The following NOC2L variants were observed in gnomAD, a reference collection of about 807,000 sequenced individuals.
The protein encoded by NOC2L is nucleolar complex protein 2 homolog.
In NOC2L, 101 loss-of-function variants were observed where a neutral mutation model predicts 94.2. The ratio of observed to expected loss-of-function variants is 1.07; its 90% CI spans 0.91 to 1.26. The LOEUF is 1.26. NOC2L is among the 50% of genes most tolerant of loss of function. NOC2L has a pLI of 0.00. For missense variants in NOC2L, 1,076 were observed against 980.1 expected (o/e 1.10, Z -1.31); for synonymous variants, 531 against 413.4 (o/e 1.28, Z -3.45).
chr1:954,143 A>C, intron 6 of NOC2L, 61 bp from the exon 7 acceptor site: 1 of 1,536,202 alleles, frequency 6.5e-7, no homozygotes, highest in Non-Finnish European at 9.0e-7. Context: ...GAGGCTGCTC[A>C]GCATGTTGGC....
intron 4 of NOC2L, 66 bp from the exon 5 acceptor site, chr1:956,281 C>A: frequency 6.3e-7 from 1 of 1,592,888 alleles, no homozygotes; most frequent in Non-Finnish European, 8.5e-7. Context: ...GTGGAAACGG[C>A]AGCCCCAGAG....
intron 12 of NOC2L, among the ~76,000 whole-genome samples, chr1:950,455 G>A (rs559819218): frequency 1.9e-4 from 29 of 151,374 alleles, no homozygotes; most frequent in Non-Finnish European, 2.7e-4. Context: ...AGGTACACAC[G>A]CATGTGCATG....
rs1358324065 is a variant in NOC2L, at chr1:952,009, C to A, written c.1322G>T (p.Gly441Val). 3 of 1,612,342 alleles carry A rather than the reference C, an allele frequency of 1.9e-6. No homozygotes were observed. Among genetic ancestry groups the A allele is most frequent in the Non-Finnish European group, 2.5e-6 (3 of 1,179,258 alleles). Residue 441 changes from glycine to valine, a missense_variant, in exon 11 of 19, where the codon GGC (glycine) becomes GTC (valine). Gly to Val is a moderately radical substitution (Grantham distance 109). This residue lies in a region of NOC2L where 615 missense variants were observed against 577.4 expected (regional missense o/e 1.07). Coordinates refer to ENST00000327044, the MANE Select transcript of NOC2L (RefSeq NM_015658.4). ...CCACCCCACAACTCACTTGATACAG[C>A]CAATGATGACTTGGGCAAGGGGGTA... The part of the protein sequence containing the change: ...LVYPLAQVII[G>V]CIKLIPTARF...
chr1:950,314 C>A (rs1165124778), intron 12 of NOC2L, among the ~76,000 whole-genome samples: 1 of 151,918 alleles, frequency 6.6e-6, no homozygotes, highest in East Asian at 1.9e-4. Context: ...TAGATGCACG[C>A]AGACACACAT....
At position 944,409 on chromosome 1, in the gene NOC2L, C is replaced by CCTGGAA. The variant is rs145942386; in HGVS notation, c.*279_*284dup. 1.7e-6 allele frequency: 2 copies of CCTGGAA among 1,185,804 alleles called. No homozygotes were observed. The highest frequency in any genetic ancestry group is 1.6e-5 in the African/African-American group (1 of 62,776). 73.5% of individuals were successfully genotyped at this position (1,185,804 alleles called of 1,614,324 possible). On this transcript the variant is annotated 3_prime_UTR_variant, in exon 19 of 19. Transcript: ENST00000327044. ...GGGGCCAGGGGCCTGCAGGCCTCCC[C>CCTGGAA]CTGGAACTGGGACTGGTCTCGGTCT... is the stretch of plus-strand genomic sequence containing the variant.
chr1:954,955 G>GC (rs1019997937), intron 6 of NOC2L, among the ~76,000 whole-genome samples: 2 of 152,180 alleles, frequency 1.3e-5, no homozygotes, highest in African/African-American at 4.8e-5. Context: ...CCCCAGAAAG[G>GC]CCCCCCGTCC....
At position 951,126 on chromosome 1, in the gene NOC2L, C is replaced by T. The variant is rs773540585; in HGVS notation, c.1443+1G>A. 6 of 1,572,918 alleles carry T rather than the reference C, an allele frequency of 3.8e-6. No homozygotes were observed. The South Asian group carries it at 7.0e-5, about 18-fold the overall frequency. On this transcript the variant is annotated splice_donor_variant, in intron 12 of 18. Coordinates refer to ENST00000327044, the MANE Select transcript of NOC2L (RefSeq NM_015658.4). LOFTEE classifies it high-confidence loss of function. ...CACACGCCCACCACAGCCTCACTCA[C>T]CTCCAGGATGAAAGGCAGCACCGGG...
chr1:948,867 C>A (rs1455958917), intron 12 of NOC2L, among the ~76,000 whole-genome samples: 1 of 152,122 alleles, frequency 6.6e-6, no homozygotes, highest in East Asian at 1.9e-4. Context: ...GGAACACGGG[C>A]CCTCTCCCAA....
At position 956,955 on chromosome 1, in the gene NOC2L, C is replaced by A; in HGVS notation, c.425G>T (p.Gly142Val). 5.0e-6 allele frequency: 8 copies of A among 1,614,116 alleles called. No individual in the cohort carries two copies. The highest frequency in any genetic ancestry group is 5.9e-6 in the Non-Finnish European group (7 of 1,180,044). ...DGDRVPRGLKGKKNSVPVTVA... is the reference protein window; with the variant it reads ...DGDRVPRGLKVKKNSVPVTVA... ...GGTCACAGGAACAGAATTCTTCTTC[C>A]CCTTCAGCCCTCTGGGGACTCTGTC... The change falls in exon 4 of 19, where the codon GGG becomes GTG. Residue 142 changes from glycine to valine, a missense_variant. This residue lies in a region of NOC2L where 457 missense variants were observed against 386.0 expected (regional missense o/e 1.18). Coordinates refer to ENST00000327044, the MANE Select transcript of NOC2L (RefSeq NM_015658.4).
At position 956,025 on chromosome 1, in the gene NOC2L, A is replaced by T. The variant is rs933432445; in HGVS notation, c.608-12T>A. Reference sequence around the variant, plus strand: ...CAGAGCATTGAATGCTGCAACGAAAAGGCCTGGATGTACTCACGGGACAGA... The same window carrying T: ...CAGAGCATTGAATGCTGCAACGAAATGGCCTGGATGTACTCACGGGACAGA... On this transcript the variant is annotated splice_polypyrimidine_tract_variant and intron_variant, in intron 5 of 18. Transcript: ENST00000327044. The T allele has an allele frequency of 1.2e-5, 19 of 1,613,974 alleles. No homozygotes were observed. The highest frequency in any genetic ancestry group is 1.5e-5 in the Non-Finnish European group (18 of 1,180,038).
intron 16 of NOC2L, 138 bp downstream of exon 16, chr1:946,035 C>A: frequency 1.5e-6 from 1 of 677,384 alleles, no homozygotes; most frequent in Non-Finnish European, 2.5e-6. Context: ...TACCCCCTCT[C>A]CAAGTCGAAT....
rs1382003810 is a variant in NOC2L at position 956,129 on chromosome 1, A to G, written c.573T>C (p.Ala191=). ...VATTRGDQES[A]EANKFQVTDS... ...CCGTGACCTGGAATTTGTTGGCCTC[A>G]GCACTTTCCTGGTCCCCTCGGGTGG... Residue 191 remains alanine, a synonymous_variant, in exon 5 of 19, where the codon GCT becomes GCC. Transcript: ENST00000327044. 1.2e-6 allele frequency: 2 copies of G among 1,614,092 alleles called. No individual in the cohort carries two copies. The highest frequency in any genetic ancestry group is 2.2e-5 in the East Asian group (1 of 44,884).
intron 12 of NOC2L, among the ~76,000 whole-genome samples, chr1:950,882 T>C (rs1371275162): frequency 6.6e-6 from 1 of 152,266 alleles, no homozygotes; most frequent in East Asian, 1.9e-4. Context: ...GGCAAGCACC[T>C]ACAGGGTCAG....
chr1:944,259 CAAAA>C lies in NOC2L; in HGVS notation c.*431_*434del. The C allele has an allele frequency of 1.4e-6, 2 of 1,452,986 alleles. No homozygotes were observed. The highest frequency in any genetic ancestry group is 1.8e-6 in the Non-Finnish European group (2 of 1,104,400). 90.0% of individuals were successfully genotyped at this position (1,452,986 alleles called of 1,614,324 possible). A position where few individuals can be genotyped will look rare whatever the true frequency, so the allele number is the denominator to read the frequency against. The stretch of plus-strand genomic sequence containing the variant: ...ATTTCTTTCGGTTTCGGATGCAAAA[CAAAA>C]AATTTTAAAAGAAAATGTGACTTCA... On this transcript the variant is annotated 3_prime_UTR_variant, in exon 19 of 19. Transcript: ENST00000327044.
chr1:948,288 C>A, intron 13 of NOC2L, 56 bp from the exon 14 acceptor site: 1 of 1,411,006 alleles, frequency 7.1e-7, no homozygotes, highest in Non-Finnish European at 9.8e-7. Flanking sequence ...GCTGGGCACT[C>A]AGGCCCCTTC....
chr1:949,792 G>A (rs1642203286), intron 12 of NOC2L, among the ~76,000 whole-genome samples: 1 of 152,184 alleles, frequency 6.6e-6, no homozygotes, highest in Admixed American at 6.5e-5. Flanking sequence ...AGTGAACATG[G>A]CTTCCTAAAG....
chr1:945,121 C>T lies in NOC2L; in HGVS notation c.2079G>A (p.Arg693=), dbSNP rs148512106. ...ERGILRPLST[R]HGVEDDEEDE... is the part of the protein sequence containing the mutation. Reference sequence around the variant, plus strand: ...CCTCTTCATCGTCTTCCACCCCATGCCGAGTGCTCAGGGGCCTCAGTATCC... The same window carrying T: ...CCTCTTCATCGTCTTCCACCCCATGTCGAGTGCTCAGGGGCCTCAGTATCC... Residue 693 remains arginine (R), a synonymous_variant, in exon 18 of 19, where the codon CGG becomes CGA. Coordinates refer to ENST00000327044, the MANE Select transcript of NOC2L (RefSeq NM_015658.4). The T allele has an allele frequency of 1.1e-5, 18 of 1,612,304 alleles. No homozygotes were observed. Among genetic ancestry groups the T allele is most frequent in the Middle Eastern group, 3.3e-4 (2 of 6,084 alleles).
intron 4 of NOC2L, among the ~76,000 whole-genome samples, chr1:956,548 C>G (rs1403194544): frequency 2.0e-5 from 3 of 152,164 alleles, no homozygotes; most frequent in Admixed American, 6.5e-5. Flanking sequence ...CCCAGCTCCA[C>G]CAACCAACAA....
At position 954,901 on chromosome 1, in the gene NOC2L, G is replaced by A. The variant is rs569812795; in HGVS notation, c.699-819C>T. 8.5e-5 allele frequency among the ~76,000 whole-genome samples: 13 copies of A among 152,108 alleles called. No individual in the cohort carries two copies. In the East Asian group the frequency reaches 1.2e-3, roughly 14 times the overall value. ...ATTTACCAGAGCCCACGCAGTAGGCGCTCACTAAAATCTGCTGAAGCATGG... is the reference window on the plus strand; with the variant it reads ...ATTTACCAGAGCCCACGCAGTAGGCACTCACTAAAATCTGCTGAAGCATGG... On this transcript the variant is annotated intron_variant, in intron 6 of 18. Transcript: ENST00000327044.
Sources: gnomAD v4.1 joint callset for allele counts (sites outside exome capture counted in the v4.1 genomes callset) on GRCh38, gnomAD v4.1.1 for gene constraint, gnomAD v4.1.1 regional missense constraint, MANE v1.5 for transcripts, NCBI Gene and HGNC (gene_info 2026-07-23, HGNC 2026-07-21) for gene names.